The following KIAA1328 variants were observed in gnomAD, a reference collection of about 807,000 sequenced individuals.
The protein encoded by KIAA1328 is protein hinderin.
A neutral mutation model predicts 68.1 loss-of-function variants in KIAA1328; 52 were observed. The ratio of observed to expected loss-of-function variants is 0.76; its 90% CI spans 0.61 to 0.96. The LOEUF (loss-of-function observed/expected upper bound fraction) is 0.96. Among genes scored for constraint, KIAA1328 ranks in the 40% least tolerant of loss-of-function variants. The pLI is 0.00. For synonymous variants in KIAA1328, 232 were observed against 239.4 expected, an observed-to-expected ratio of 0.97 and a Z score of 0.28; for missense variants, 641 against 677.6, an observed-to-expected ratio of 0.95 and a Z score of 0.60.
intron 7 of KIAA1328, among the ~76,000 whole-genome samples, chr18:37,105,916 C>CAAAAATAAAAAAAAAAAAA (rs2057759123): frequency 5.1e-5 from 1 of 19,502 alleles, no homozygotes; most frequent in Non-Finnish European, 1.4e-4. Context: ...GACTCTGTGT[C>CAAAAATAAAAAAAAAAAAA]AAAAAAAAAA....
intron 6 of KIAA1328, among the ~76,000 whole-genome samples, chr18:37,053,875 A>G (rs942718930): frequency 6.6e-6 from 1 of 152,090 alleles, no homozygotes; most frequent in East Asian, 1.9e-4. Context: ...GAGCCAGAAC[A>G]TGTCAAATAG....
At chr18:36,877,729 C>T (rs1176764797) in intron 4 of KIAA1328, among the ~76,000 whole-genome samples, 9 of 146,732 alleles carry the variant, frequency 6.1e-5, no homozygotes, top group Admixed American at 2.1e-4. Flanking sequence ...TGCAGTGGCG[C>T]GATCTCGACT....
chr18:36,951,712 T>C (rs1344000256), intron 5 of KIAA1328, among the ~76,000 whole-genome samples: 1 of 152,198 alleles, frequency 6.6e-6, no homozygotes, highest in Non-Finnish European at 1.5e-5. Context: ...TATTCTGCAT[T>C]CTCTGTCTTA....
intron 6 of KIAA1328, among the ~76,000 whole-genome samples, chr18:36,992,525 A>G (rs2053228796): frequency 7.3e-6 from 1 of 137,198 alleles, no homozygotes; most frequent in South Asian, 2.2e-4. Context: ...AGTTTTGCGT[A>G]TCTTAAATGT....
chr18:36,979,491 G>A (rs868864860), intron 6 of KIAA1328, among the ~76,000 whole-genome samples: 1 of 152,164 alleles, frequency 6.6e-6, no homozygotes, highest in African/African-American at 2.4e-5. Flanking sequence ...TGGAAGTGAT[G>A]TAACTGTGGG....
At chr18:37,000,616 A>C (rs1443285775) in intron 6 of KIAA1328, among the ~76,000 whole-genome samples, 2 of 148,130 alleles carry the variant, frequency 1.4e-5, no homozygotes, top group Non-Finnish European at 3.0e-5. Flanking sequence ...AACTCAAAAA[A>C]ATTTTAAGAA....
At chr18:36,847,855 C>T (rs1202732823) in intron 4 of KIAA1328, among the ~76,000 whole-genome samples, 1 of 151,512 alleles carries the variant, frequency 6.6e-6, no homozygotes, top group African/African-American at 2.4e-5. Flanking sequence ...AAAAGACTTC[C>T]TACAGAATTA....
intron 4 of KIAA1328, among the ~76,000 whole-genome samples, chr18:36,868,571 C>T (rs561106447): frequency 6.6e-6 from 1 of 152,136 alleles, no homozygotes; most frequent in East Asian, 1.9e-4. Flanking sequence ...CATAGACTAC[C>T]GCACAGATTG....
rs771435592 is a variant in KIAA1328, at chr18:36,966,912, AAC to A, written c.576+7479_576+7480del. Among the ~76,000 whole-genome samples, 7 of 152,318 alleles carry A rather than the reference AAC, an allele frequency of 4.6e-5. No individual in the cohort carries two copies. The East Asian group carries it at 5.8e-4, about 13-fold the overall frequency. ...ATTCCTTTTTTGTGGAAACTGGTAAAACAGTCTTAAAATTTATATGGAAGTGC... is the reference window on the plus strand; with the variant it reads ...ATTCCTTTTTTGTGGAAACTGGTAAAAGTCTTAAAATTTATATGGAAGTGC... On this transcript the variant is annotated intron_variant, in intron 6 of 9. Transcript: ENST00000280020.
intron 5 of KIAA1328, among the ~76,000 whole-genome samples, chr18:36,906,366 C>G (rs2049222092): frequency 6.6e-6 from 1 of 152,180 alleles, no homozygotes. Context: ...CTCCCCAAGC[C>G]TCAGTCAACT....
chr18:37,100,762 G>A (rs1283462627), intron 7 of KIAA1328, among the ~76,000 whole-genome samples: 1 of 152,178 alleles, frequency 6.6e-6, no homozygotes. Flanking sequence ...TAACTGGGAG[G>A]CACCCCCCAG....
intron 6 of KIAA1328, among the ~76,000 whole-genome samples, chr18:36,976,042 C>G (rs1157615705): frequency 6.6e-6 from 1 of 152,188 alleles, no homozygotes; most frequent in Non-Finnish European, 1.5e-5. Flanking sequence ...AAGAAGAAAT[C>G]TCTCAGAGCA....
chr18:37,162,672 C>A (rs150295059), intron 8 of KIAA1328, among the ~76,000 whole-genome samples: 2 of 152,142 alleles, frequency 1.3e-5, no homozygotes, highest in Non-Finnish European at 2.9e-5. Context: ...TCATCACCTT[C>A]TTAATTGCTT....
chr18:36,919,612 G>A (rs891599130), intron 5 of KIAA1328, among the ~76,000 whole-genome samples: 12 of 152,164 alleles, frequency 7.9e-5, no homozygotes, highest in Non-Finnish European at 1.8e-4. Context: ...GGGTCGAGTG[G>A]TAGTTCTTTA....
At chr18:37,117,597 CA>C (rs1451510768) in intron 7 of KIAA1328, among the ~76,000 whole-genome samples, 1 of 152,036 alleles carries the variant, frequency 6.6e-6, no homozygotes, top group Non-Finnish European at 1.5e-5. Context: ...ACATATGTAA[CA>C]AACCTGCACA....
At chr18:36,924,853 T>G (rs2050055961) in intron 5 of KIAA1328, 1 of 152,110 alleles carries the variant, frequency 6.6e-6, no homozygotes, top group African/African-American at 2.4e-5. Context: ...CAAGGAGGGT[T>G]GCTGGTCCAG....
chr18:36,889,032 T>C (rs2048593200), intron 5 of KIAA1328, among the ~76,000 whole-genome samples: 1 of 152,162 alleles, frequency 6.6e-6, no homozygotes, highest in African/African-American at 2.4e-5. Flanking sequence ...CACAGACTAG[T>C]GCCTTAGTAA....
At chr18:37,060,198 T>G (rs1350571041) in intron 6 of KIAA1328, among the ~76,000 whole-genome samples, 1 of 152,114 alleles carries the variant, frequency 6.6e-6, no homozygotes, top group African/African-American at 2.4e-5. Flanking sequence ...TGACAGGCTG[T>G]TCTTGGAAAA....
At chr18:36,884,476 C>T (rs2048430914) in intron 4 of KIAA1328, among the ~76,000 whole-genome samples, 1 of 152,158 alleles carries the variant, frequency 6.6e-6, no homozygotes, top group South Asian at 2.1e-4. Context: ...AGATAAGATA[C>T]AATCAACTCT....
Sources: gnomAD v4.1 joint callset for allele counts (sites outside exome capture counted in the v4.1 genomes callset) on GRCh38, gnomAD v4.1.1 for gene constraint, MANE v1.5 for transcripts, NCBI Gene and HGNC (gene_info 2026-07-23, HGNC 2026-07-21) for gene names.